TIMM23: variants seen among roughly 807,000 people sequenced by gnomAD.
TIMM23 encodes the protein mitochondrial import inner membrane translocase subunit Tim23.
TIMM23 carries 19 observed loss-of-function variants against 30.7 expected under a neutral mutation model. That is an observed-to-expected ratio of 0.62 (90% CI 0.43 to 0.91). The LOEUF is 0.91. TIMM23 is among the 40% of genes least tolerant of loss of function. The pLI is 0.00. For missense variants in TIMM23, 202 were observed against 269.2 expected, an observed-to-expected ratio of 0.75 and a Z score of 1.75; for synonymous variants, 78 against 98.5, an observed-to-expected ratio of 0.79 and a Z score of 1.23.
intron 2 of TIMM23, among the ~76,000 whole-genome samples, chr10:45,976,284 T>C (rs1837670052): frequency 6.6e-6 from 1 of 150,722 alleles, no homozygotes; most frequent in Admixed American, 6.6e-5. Context: ...CAAAAATCAT[T>C]TGACAACATC....
At chr10:45,979,411 C>T (rs1457617407) in intron 2 of TIMM23, among the ~76,000 whole-genome samples, 1 of 152,122 alleles carries the variant, frequency 6.6e-6, no homozygotes, top group Non-Finnish European at 1.5e-5. Context: ...GTCCTTCTGC[C>T]TCATCCTCCC....
chr10:46,000,627 T>C (rs1554917537), intron 6 of TIMM23, among the ~76,000 whole-genome samples: 3 of 152,186 alleles, frequency 2.0e-5, no homozygotes, highest in Non-Finnish European at 4.4e-5. Flanking sequence ...TGAGAACTAA[T>C]GTGAGAATCC....
At position 45,996,693 on chromosome 10, in the gene TIMM23, A is replaced by G. The variant is rs373581372; in HGVS notation, c.515-6510A>G. Reference sequence around the variant, plus strand: ...TGTTCATAACAGCATATTATTCACAACAGCCATACAGGCTGGGTGTGGTAG... The same window carrying G: ...TGTTCATAACAGCATATTATTCACAGCAGCCATACAGGCTGGGTGTGGTAG... On this transcript the variant is annotated intron_variant, in intron 6 of 6. Coordinates refer to ENST00000580018, the MANE Select transcript of TIMM23 (RefSeq NM_006327.4). Among the ~76,000 whole-genome samples, 4 of 152,094 alleles carry G rather than the reference A, an allele frequency of 2.6e-5. No homozygotes were observed. In the East Asian group the frequency reaches 5.8e-4, roughly 22 times the overall value.
At chr10:45,976,734 C>A (rs1322533690) in intron 2 of TIMM23, among the ~76,000 whole-genome samples, 3 of 151,920 alleles carry the variant, frequency 2.0e-5, no homozygotes, top group Non-Finnish European at 4.4e-5. Context: ...AGATCAGGAA[C>A]AAAATAAGTA....
intron 6 of TIMM23, chr10:45,998,350 C>G: frequency 1.0e-6 from 1 of 984,356 alleles, no homozygotes; most frequent in Non-Finnish European, 1.2e-6. Flanking sequence ...GTGGTGCTTG[C>G]CTATCGCTTT....
chr10:45,979,633 T>TTA (rs1837785383), intron 2 of TIMM23, among the ~76,000 whole-genome samples: 1 of 137,096 alleles, frequency 7.3e-6, no homozygotes, highest in African/African-American at 2.6e-5. Context: ...TTTTTTTTTT[T>TTA]AAGCATTATG....
intron 5 of TIMM23, among the ~76,000 whole-genome samples, chr10:45,987,473 C>G (rs1838023640): frequency 2.6e-5 from 4 of 152,094 alleles, no homozygotes; most frequent in Non-Finnish European, 5.9e-5. Context: ...ATAGCAAGCT[C>G]CAGGTTATTT....
intron 2 of TIMM23, among the ~76,000 whole-genome samples, chr10:45,980,898 T>C (rs2132251920): frequency 6.6e-6 from 1 of 151,730 alleles, no homozygotes; most frequent in East Asian, 1.9e-4. Flanking sequence ...TTTGCTTGCT[T>C]GATAATGTTC....
At chr10:45,991,260 AAAGT>A (rs1275106962) in intron 6 of TIMM23, among the ~76,000 whole-genome samples, 3 of 152,252 alleles carry the variant, frequency 2.0e-5, no homozygotes, top group Non-Finnish European at 4.4e-5. Context: ...ATGGAAAGCT[AAAGT>A]AAGAAGCTTA....
At chr10:45,990,744 A>T (rs1485589191) in intron 6 of TIMM23, 3 of 406,380 alleles carry the variant, frequency 7.4e-6, no homozygotes, top group Non-Finnish European at 1.4e-5. Flanking sequence ...ATTATTTTTT[A>T]TTTTCATGTT....
chr10:45,980,944 CTTT>C (rs782474869), intron 2 of TIMM23, among the ~76,000 whole-genome samples: 1 of 125,284 alleles, frequency 8.0e-6, no homozygotes, highest in Non-Finnish European at 1.7e-5. Flanking sequence ...GTTTTCTTTT[CTTT>C]TTTTTTTTTG....
At position 45,985,286 on chromosome 10, in the gene TIMM23, C is replaced by G. The variant is rs1465293317; in HGVS notation, c.345-97C>G. 13 of 1,436,574 alleles carry G rather than the reference C, an allele frequency of 9.0e-6. No homozygotes were observed. The African/African-American group carries it at 1.4e-4, about 16-fold the overall frequency. 89.0% of individuals were successfully genotyped at this position (1,436,574 alleles called of 1,614,324 possible). On this transcript the variant is annotated intron_variant, in intron 4 of 6. Coordinates refer to ENST00000580018, the MANE Select transcript of TIMM23 (RefSeq NM_006327.4). ...TTTAGAATTTAAAAAACTTTGCGCC[C>G]TGGGTCTAGACATGTTAAATAGCCA...
chr10:45,982,400 T>C, intron 2 of TIMM23, 123 bp from the exon 3 acceptor site: 1 of 888,410 alleles, frequency 1.1e-6, no homozygotes, highest in East Asian at 2.6e-5. Flanking sequence ...TGTTTAAGTA[T>C]AGGTTTGAGT....
At chr10:45,997,328 A>G (rs1271332695) in intron 6 of TIMM23, among the ~76,000 whole-genome samples, 5 of 16,744 alleles carry the variant, frequency 3.0e-4, no homozygotes, top group Admixed American at 2.8e-3. Flanking sequence ...TAAATAGGCC[A>G]TCTATAAAAA....
At chr10:45,991,072 A>T (rs1467250579) in intron 6 of TIMM23, among the ~76,000 whole-genome samples, 1 of 152,256 alleles carries the variant, frequency 6.6e-6, no homozygotes, top group Non-Finnish European at 1.5e-5. Context: ...TCACCAAACC[A>T]AATTACCTCC....
At chr10:45,990,116 A>AT (rs782791725) in intron 6 of TIMM23, among the ~76,000 whole-genome samples, 1,438 of 135,800 alleles carry the variant, frequency 0.011, 7 homozygotes, top group African/African-American at 0.011. Context: ...GCAACTTTTA[A>AT]TTTTTTTTTT....
intron 4 of TIMM23, among the ~76,000 whole-genome samples, chr10:45,984,270 T>C (rs1190865158): frequency 1.3e-4 from 20 of 152,280 alleles, no homozygotes; most frequent in Non-Finnish European, 2.9e-5. Context: ...TTCTATCCCA[T>C]TTCCTTCTCC....
rs1590122067 is a variant in TIMM23, at chr10:45,989,355, CACATTTT to C, written c.514+509_514+515del. Among the ~76,000 whole-genome samples, 39 of 152,180 alleles carry C rather than the reference CACATTTT, an allele frequency of 2.6e-4. No individual in the cohort carries two copies. In the East Asian group the frequency reaches 5.6e-3, roughly 22 times the overall value. On this transcript the variant is annotated intron_variant, in intron 6 of 6. Coordinates refer to ENST00000580018, the MANE Select transcript of TIMM23 (RefSeq NM_006327.4). ...TAATATTCATTCTGTGTATGTATAC[CACATTTT>C]GCATGTGCGTTCTTTTATCAAGGAA...
Position 45,972,491 on chromosome 10 carries a change from C to T in TIMM23, c.-134C>T. ...GCGGAAGTGTGGCGCTTAACGGGAA[C>T]CGGCGCCCGGAAGGTCAGCGTGTGA... On this transcript the variant is annotated 5_prime_UTR_variant, in exon 1 of 7. Coordinates refer to ENST00000580018, the MANE Select transcript of TIMM23 (RefSeq NM_006327.4). 1.4e-6 allele frequency: 2 copies of T among 1,403,938 alleles called. No homozygotes were observed. The highest frequency in any genetic ancestry group is 1.9e-6 in the Non-Finnish European group (2 of 1,048,834). 87.0% of individuals were successfully genotyped at this position (1,403,938 alleles called of 1,614,324 possible).
Sources: allele counts gnomAD v4.1 joint callset (sites outside exome capture counted in the v4.1 genomes callset), GRCh38; gene constraint gnomAD v4.1.1; transcripts MANE v1.5; gene names NCBI Gene and HGNC (gene_info 2026-07-23, HGNC 2026-07-21).